The following SMCHD1 variants were observed in gnomAD, a reference collection of about 807,000 sequenced individuals.
SMCHD1 encodes structural maintenance of chromosomes flexible hinge domain containing 1, also known as structural maintenance of chromosomes flexible hinge domain-containing protein 1.
A neutral mutation model predicts 254.7 loss-of-function variants in SMCHD1; 78 were observed. The ratio of observed to expected loss-of-function variants is 0.31; its 90% CI spans 0.26 to 0.37. The LOEUF (loss-of-function observed/expected upper bound fraction) is 0.37. SMCHD1 is among the 10% of genes least tolerant of loss of function. The probability of loss-of-function intolerance (pLI) is 1.00; values close to 1 mark genes in which losing one functional copy is unlikely to be tolerated. For synonymous variants in SMCHD1, 766 were observed against 794.9 expected (o/e 0.96, Z 0.61); for missense variants, 1,840 against 2,408.1 (o/e 0.76, Z 4.94).
chr18:2,675,898 C>A (rs1229627928), intron 5 of SMCHD1, among the ~76,000 whole-genome samples: 23 of 152,152 alleles, frequency 1.5e-4, no homozygotes. Context: ...TAATTTCTGG[C>A]AAAAATCTTT....
At chr18:2,712,399 G>A (rs1220528629) in intron 17 of SMCHD1, among the ~76,000 whole-genome samples, 1 of 152,112 alleles carries the variant, frequency 6.6e-6, no homozygotes, top group Non-Finnish European at 1.5e-5. Context: ...CTATCACCAA[G>A]TATCACACTA....
At chr18:2,791,527 G>T (rs1256518001) in intron 45 of SMCHD1, among the ~76,000 whole-genome samples, 1 of 152,128 alleles carries the variant, frequency 6.6e-6, no homozygotes, top group Non-Finnish European at 1.5e-5. Context: ...AGCCTGGGTG[G>T]CAGAGTGAGG....
chr18:2,792,369 A>G (rs1174308431), intron 45 of SMCHD1, among the ~76,000 whole-genome samples: 2 of 152,244 alleles, frequency 1.3e-5, no homozygotes, highest in African/African-American at 4.8e-5. Context: ...CATATACCCT[A>G]GGAGCATTGT....
At chr18:2,795,913 C>T in intron 45 of SMCHD1, 36 bp from the exon 46 acceptor site, 2 of 1,530,394 alleles carry the variant, frequency 1.3e-6, no homozygotes, top group South Asian at 2.5e-5. Context: ...GGTTTAATAG[C>T]AGTAATTTAA....
intron 17 of SMCHD1, among the ~76,000 whole-genome samples, chr18:2,711,957 A>G (rs1361368949): frequency 6.6e-6 from 1 of 152,064 alleles, no homozygotes; most frequent in Non-Finnish European, 1.5e-5. Flanking sequence ...TTGCCATATG[A>G]TCTCTGCATA....
chr18:2,673,961 T>C, intron 4 of SMCHD1, 54 bp from the exon 5 acceptor site: 2 of 1,500,160 alleles, frequency 1.3e-6, no homozygotes, highest in Non-Finnish European at 1.8e-6. Context: ...ACTTTTCATG[T>C]TTTAAGTATT....
Position 2,656,151 on chromosome 18 carries a change from A to T in SMCHD1, c.76A>T (p.Arg26Trp), listed in dbSNP as rs747375741. 7.9e-6 allele frequency: 12 copies of T among 1,509,756 alleles called. No homozygotes were observed. The highest frequency in any genetic ancestry group is 1.1e-5 in the Non-Finnish European group (12 of 1,132,282). The allele number at this position is 1,509,756 out of a possible 1,614,324, so 93.5% of individuals were successfully genotyped here. A position where few individuals can be genotyped will look rare whatever the true frequency, so the allele number is the denominator to read the frequency against. The change falls in exon 1 of 48, where the codon AGG becomes TGG. Residue 26 changes from arginine (R) to tryptophan (W), a missense_variant. Transcript: ENST00000320876. ...TEEDGGGVGH[R>W]TVYLFDRREK... is the part of the protein sequence containing the mutation. ...GGAGGATGGCGGAGGCGTCGGCCAC[A>T]GGACGGTGTACTTGTTTGATCGGCG...
intron 36 of SMCHD1, among the ~76,000 whole-genome samples, chr18:2,763,109 C>G (rs1283334948): frequency 2.0e-5 from 3 of 152,290 alleles, no homozygotes; most frequent in Non-Finnish European, 4.4e-5. Context: ...GTTTATTTTC[C>G]TGTTTTAGAT....
chr18:2,711,405 T>A (rs1292741947), intron 17 of SMCHD1, among the ~76,000 whole-genome samples: 1 of 151,998 alleles, frequency 6.6e-6, no homozygotes, highest in Non-Finnish European at 1.5e-5. Flanking sequence ...GCCTTGTTTG[T>A]TTTTTATTTG....
intron 46 of SMCHD1, 25 bp from the exon 47 acceptor site, chr18:2,796,382 C>A: frequency 7.3e-7 from 1 of 1,375,752 alleles, no homozygotes; most frequent in Non-Finnish European, 1.0e-6. Context: ...GTAAATTTAA[C>A]TTTCTACATT....
At chr18:2,661,999 A>T (rs2073275550) in intron 1 of SMCHD1, among the ~76,000 whole-genome samples, 2 of 144,084 alleles carry the variant, frequency 1.4e-5, no homozygotes, top group Non-Finnish European at 3.0e-5. Context: ...CTACTAAAAA[A>T]ATACAAAAAA....
intron 25 of SMCHD1, among the ~76,000 whole-genome samples, chr18:2,734,273 G>T (rs2075203125): frequency 6.6e-6 from 1 of 152,040 alleles, no homozygotes; most frequent in Non-Finnish European, 1.5e-5. Context: ...TGTGGCTTCT[G>T]AACTATTTCC....
At chr18:2,772,491 A>G in intron 41 of SMCHD1, 119 bp downstream of exon 41, 1 of 800,260 alleles carries the variant, frequency 1.2e-6, no homozygotes, top group Non-Finnish European at 1.8e-6. Flanking sequence ...TCTTTCCAAT[A>G]AAGTACCTGC....
intron 39 of SMCHD1, 55 bp downstream of exon 39, chr18:2,770,163 G>T: frequency 6.5e-7 from 1 of 1,543,492 alleles, no homozygotes; most frequent in African/African-American, 1.4e-5. Flanking sequence ...GATGAGGCAG[G>T]TGAGATCGTG....
chr18:2,792,584 G>T (rs1287108713), intron 45 of SMCHD1, among the ~76,000 whole-genome samples: 3 of 152,144 alleles, frequency 2.0e-5, no homozygotes, highest in Non-Finnish European at 4.4e-5. Context: ...AGGGACTACT[G>T]TAATACATAG....
At chr18:2,678,247 CTTTCTT>C (rs1259436852) in intron 5 of SMCHD1, among the ~76,000 whole-genome samples, 2 of 35,276 alleles carry the variant, frequency 5.7e-5, no homozygotes, top group Non-Finnish European at 1.2e-4. Flanking sequence ...TTCTTTCGTT[CTTTCTT>C]TCTCTCTCTC....
chr18:2,724,062 G>C (rs2160818), intron 20 of SMCHD1, among the ~76,000 whole-genome samples: 28,918 of 149,398 alleles, frequency 0.19, 3,039 homozygotes, highest in South Asian at 0.27. Context: ...TGTCATATTA[G>C]TGGGATTTTA....
intron 22 of SMCHD1, 160 bp from the exon 23 acceptor site, chr18:2,728,297 T>G (rs1568249328): frequency 1.5e-6 from 1 of 654,300 alleles, no homozygotes; most frequent in Non-Finnish European, 2.5e-6. Flanking sequence ...CTGTGCATTT[T>G]GGGATGAAAC....
intron 17 of SMCHD1, among the ~76,000 whole-genome samples, chr18:2,709,869 T>G (rs1290453606): frequency 6.6e-6 from 1 of 152,236 alleles, no homozygotes; most frequent in Non-Finnish European, 1.5e-5. Context: ...ACTTTGTCAA[T>G]GGTGACTGTG....
Sources: gnomAD v4.1 joint callset for allele counts (sites outside exome capture counted in the v4.1 genomes callset) on GRCh38, gnomAD v4.1.1 for gene constraint, MANE v1.5 for transcripts, NCBI Gene and HGNC (gene_info 2026-07-23, HGNC 2026-07-21) for gene names.